The following CSMD1 variants were observed in gnomAD, a reference collection of about 807,000 sequenced individuals.
CSMD1 encodes CUB and Sushi multiple domains 1.
In CSMD1, 213 loss-of-function variants were observed where a neutral mutation model predicts 417.5. The observed-to-expected ratio is 0.51, with a 90% CI of 0.46 to 0.57. The LOEUF is 0.57. CSMD1 is among the 20% of genes least tolerant of loss of function. The pLI is 0.00. For synonymous variants in CSMD1, 2,862 were observed against 1,736.8 expected (o/e 1.65, Z -16.11); for missense variants, 6,923 against 4,529.7 (o/e 1.53, Z -15.17).
rs1800076565 is a variant in CSMD1 at position 3,796,015 on chromosome 8, T to TATATCATGTATAGATATAG, written c.819-41992_819-41974dup. Among the ~76,000 whole-genome samples the TATATCATGTATAGATATAG allele has an allele frequency of 3.1e-5, 2 of 65,026 alleles. 1 individual carries two copies. The highest frequency in any genetic ancestry group is 9.7e-5 in the African/African-American group (2 of 20,650). The allele number at this position is 65,026 out of a possible 152,430, so 42.7% of individuals were successfully genotyped here. A position where few individuals can be genotyped will look rare whatever the true frequency, so the allele number is the denominator to read the frequency against. Reference sequence around the variant, plus strand: ...TATATATCTATCATGTATATAGATATATATCATGTATAGATATAGATATAT... The same window carrying TATATCATGTATAGATATAG: ...TATATATCTATCATGTATATAGATATATATCATGTATAGATATAGATATCATGTATAGATATAGATATAT... On this transcript the variant is annotated intron_variant, in intron 5 of 69. Transcript: ENST00000635120.
intron 3 of CSMD1, among the ~76,000 whole-genome samples, chr8:4,059,986 G>T (rs995830422): frequency 6.6e-6 from 1 of 152,012 alleles, no homozygotes; most frequent in Admixed American, 6.6e-5. Context: ...CAGAGACACA[G>T]CCAAAAAAGA....
intron 2 of CSMD1, among the ~76,000 whole-genome samples, chr8:4,463,738 C>G (rs1318235509): frequency 6.6e-6 from 1 of 152,064 alleles, no homozygotes; most frequent in Admixed American, 6.6e-5. Context: ...TTCCTTTGGG[C>G]CGTGGGGCTG....
At chr8:3,384,080 G>A (rs1810811556) in intron 18 of CSMD1, among the ~76,000 whole-genome samples, 2 of 152,080 alleles carry the variant, frequency 1.3e-5, no homozygotes, top group Admixed American at 6.6e-5. Context: ...AGCGAAGTGT[G>A]GAGTCCTGGA....
intron 3 of CSMD1, among the ~76,000 whole-genome samples, chr8:4,109,076 T>C (rs1244097972): frequency 6.6e-6 from 1 of 152,326 alleles, no homozygotes; most frequent in East Asian, 1.9e-4. Flanking sequence ...TATTTGCATA[T>C]AACCGCATCC....
At chr8:4,326,043 C>A (rs1217173399) in intron 3 of CSMD1, among the ~76,000 whole-genome samples, 3 of 152,100 alleles carry the variant, frequency 2.0e-5, no homozygotes, top group Non-Finnish European at 4.4e-5. Flanking sequence ...ATTTGTTGAC[C>A]TAACACGGGA....
At chr8:4,732,720 A>G (rs184379867) in intron 1 of CSMD1, among the ~76,000 whole-genome samples, 49 of 152,226 alleles carry the variant, frequency 3.2e-4, no homozygotes, top group African/African-American at 1.1e-3. Context: ...TGTAGTTTAC[A>G]TCGTTTTTAA....
At chr8:4,457,947 G>A (rs1799586877) in intron 2 of CSMD1, among the ~76,000 whole-genome samples, 2 of 152,070 alleles carry the variant, frequency 1.3e-5, no homozygotes, top group Non-Finnish European at 2.9e-5. Flanking sequence ...TGTCAACCCA[G>A]GCAGAAAAAC....
intron 3 of CSMD1, among the ~76,000 whole-genome samples, chr8:4,315,760 G>T (rs1242544214): frequency 2.0e-5 from 3 of 151,962 alleles, no homozygotes; most frequent in Admixed American, 6.6e-5. Flanking sequence ...GCAACTAGCT[G>T]GTCATTTCAT....
intron 5 of CSMD1, among the ~76,000 whole-genome samples, chr8:3,825,856 G>A (rs575954108): frequency 5.9e-5 from 9 of 152,228 alleles, no homozygotes; most frequent in South Asian, 2.1e-4. Context: ...ATATAGAGAC[G>A]CATTGTACAC....
At chr8:3,822,253 G>A (rs764674920) in intron 5 of CSMD1, among the ~76,000 whole-genome samples, 4 of 152,058 alleles carry the variant, frequency 2.6e-5, no homozygotes, top group African/African-American at 4.8e-5. Flanking sequence ...ACCTCTGGAC[G>A]CATCCCTTAA....
intron 17 of CSMD1, among the ~76,000 whole-genome samples, chr8:3,392,881 C>A (rs886796783): frequency 2.0e-5 from 3 of 152,098 alleles, no homozygotes; most frequent in Non-Finnish European, 2.9e-5. Context: ...ACCAGAACAT[C>A]TGAGCTGGTA....
intron 12 of CSMD1, among the ~76,000 whole-genome samples, chr8:3,418,025 C>T (rs1165001552): frequency 6.6e-6 from 1 of 152,266 alleles, no homozygotes; most frequent in South Asian, 2.1e-4. Flanking sequence ...GTGGCCTGTG[C>T]TTGTTAAAAT....
chr8:4,212,268 T>C (rs146676090), intron 3 of CSMD1, among the ~76,000 whole-genome samples: 7 of 151,952 alleles, frequency 4.6e-5, no homozygotes, highest in African/African-American at 1.7e-4. Context: ...CTGACTCAGA[T>C]AAATACTATT....
At chr8:3,265,072 C>T (rs552922306) in intron 26 of CSMD1, among the ~76,000 whole-genome samples, 2 of 152,128 alleles carry the variant, frequency 1.3e-5, no homozygotes, top group African/African-American at 4.8e-5. Context: ...CAATTCAACA[C>T]AAATCTGTTG....
rs1312429124 is a variant in CSMD1, at chr8:3,097,036, T to C, written c.6951A>G (p.Ala2317=). The change falls in exon 47 of 70, where the codon GCA becomes GCG. Residue 2317 remains alanine, a splice_region_variant and synonymous_variant. Coordinates refer to ENST00000635120, the MANE Select transcript of CSMD1 (RefSeq NM_033225.6). The part of the protein sequence containing the change: ...QFEGSLPTCE[A]QCPANEVRTG... ...TCCGGACTTCATTTGCTGGGCATTGTGCTGGAGAGAAAAGTACCAGCAAAA... is the reference window on the plus strand; with the variant it reads ...TCCGGACTTCATTTGCTGGGCATTGCGCTGGAGAGAAAAGTACCAGCAAAA... 1 of 1,528,604 alleles carries C rather than the reference T, an allele frequency of 6.5e-7. No individual in the cohort carries two copies. Among genetic ancestry groups the C allele is most frequent in the Non-Finnish European group, 8.8e-7 (1 of 1,136,482 alleles). The allele number at this position is 1,528,604 out of a possible 1,614,324, so 94.7% of individuals were successfully genotyped here. A position where few individuals can be genotyped will look rare whatever the true frequency, so the allele number is the denominator to read the frequency against.
intron 10 of CSMD1, among the ~76,000 whole-genome samples, chr8:3,572,346 G>C (rs1237116266): frequency 3.3e-5 from 5 of 152,178 alleles, no homozygotes; most frequent in African/African-American, 1.2e-4. Flanking sequence ...CTCTGCCACT[G>C]TGAAGCGGGC....
intron 1 of CSMD1, among the ~76,000 whole-genome samples, chr8:4,827,391 C>G (rs1010626038): frequency 1.2e-4 from 19 of 152,118 alleles, no homozygotes; most frequent in Admixed American, 1.2e-3. Flanking sequence ...TTACCTTCCT[C>G]GACTTCAAAG....
chr8:3,341,963 T>G (rs1180783130), intron 23 of CSMD1, among the ~76,000 whole-genome samples: 1 of 152,116 alleles, frequency 6.6e-6, no homozygotes, highest in Non-Finnish European at 1.5e-5. Context: ...GCAAGCAAAA[T>G]GGTTTTACAA....
Position 3,096,946 on chromosome 8 carries a change from G to A in CSMD1, c.7041C>T (p.Cys2347=), listed in dbSNP as rs372275733. ...TTGGTTCCACTTTAATACTCCAAGA[G>A]CAAGTCTGGGAGTTAAAATAATTAC... ...YPGNYFNSQT[C]SWSIKVEPNY... Residue 2347 remains cysteine (C), a synonymous_variant, in exon 47 of 70, where the codon TGC becomes TGT. Coordinates refer to ENST00000635120, the MANE Select transcript of CSMD1 (RefSeq NM_033225.6). The A allele has an allele frequency of 1.3e-6, 2 of 1,554,400 alleles. No homozygotes were observed. The highest frequency in any genetic ancestry group is 2.7e-5 in the African/African-American group (2 of 73,402).
Sources: allele counts gnomAD v4.1 joint callset (sites outside exome capture counted in the v4.1 genomes callset), GRCh38; gene constraint gnomAD v4.1.1; transcripts MANE v1.5; gene names NCBI Gene and HGNC (gene_info 2026-07-23, HGNC 2026-07-21).